Variants in DERA observed in about 807,000 individuals in gnomAD.
DERA encodes 2-deoxy-D-ribose 5-phosphate aldolase.
A neutral mutation model predicts 41.1 loss-of-function variants in DERA; 15 were observed. That is an observed-to-expected ratio of 0.37 (90% CI 0.24 to 0.56). DERA has a LOEUF of 0.56. DERA is among the 20% of genes least tolerant of loss of function. DERA has a pLI of 0.81. For synonymous variants in DERA, 139 were observed against 137.4 expected (o/e 1.01, Z -0.08); for missense variants, 396 against 403.4 (o/e 0.98, Z 0.16).
intron 7 of DERA, among the ~76,000 whole-genome samples, chr12:16,034,964 C>CAGAGTCAT (rs11281015): frequency 0.94 from 143,515 of 152,272 alleles, 68,033 homozygotes; most frequent in African/African-American, 0.98. Flanking sequence ...TACTACCTTA[C>CAGAGTCAT]AGCTTGGGCT....
At position 16,036,388 on chromosome 12, in the gene DERA, A is replaced by C; in HGVS notation, c.900+7A>C. On this transcript the variant is annotated splice_region_variant and intron_variant, in intron 8 of 8. Coordinates refer to ENST00000428559, the MANE Select transcript of DERA (RefSeq NM_015954.4). This position sits in a 1 kb window ranked among gnomAD's most constrained non-coding sequence, Gnocchi z 4.9. Reference sequence around the variant, plus strand: ...CTCGGACATTGAGAGGCAGGTGAGTAATCATCTCTGTCTTTGGAATAAATT... The same window carrying C: ...CTCGGACATTGAGAGGCAGGTGAGTCATCATCTCTGTCTTTGGAATAAATT... 6.3e-7 allele frequency: 1 copy of C among 1,586,114 alleles called. No homozygotes were observed. The highest frequency in any genetic ancestry group is 8.6e-7 in the Non-Finnish European group (1 of 1,169,564).
chr12:16,028,586 G>T lies in DERA; in HGVS notation c.638-3956G>T, dbSNP rs574731333. On this transcript the variant is annotated intron_variant, in intron 6 of 8. Coordinates refer to ENST00000428559, the MANE Select transcript of DERA (RefSeq NM_015954.4). ...TACAGTATGAAAAATGGGGGAAAAA[G>T]ATTAGCTTTACAGTGGAGAAACCGA... 3.4e-4 allele frequency among the ~76,000 whole-genome samples: 52 copies of T among 152,128 alleles called. No homozygotes were observed. The Middle Eastern group carries it at 0.02, about 60-fold the overall frequency.
intron 6 of DERA, 97 bp from the exon 7 acceptor site, chr12:16,032,445 T>C (rs1949098764): frequency 4.3e-6 from 3 of 698,940 alleles, no homozygotes; most frequent in African/African-American, 1.9e-5. Context: ...TTGGGTTTCT[T>C]CGGGAAAAAA....
In DERA at chr12:15,998,652, C is replaced by G. The variant is rs1948855411; in HGVS notation, c.637+16216C>G. ...AGTCTTTCAACTCACATTTGTAGTT[C>G]AGAGATGGCTTAAAGAGCTTCAGAT... On this transcript the variant is annotated intron_variant, in intron 6 of 8. Coordinates refer to ENST00000428559, the MANE Select transcript of DERA (RefSeq NM_015954.4). This position sits in a 1 kb window ranked among gnomAD's most constrained non-coding sequence, Gnocchi z 4.8. Among the ~76,000 whole-genome samples, 1 of 152,140 alleles carries G rather than the reference C, an allele frequency of 6.6e-6. No individual in the cohort carries two copies.
rs1451209561 is a variant in DERA, at chr12:15,936,203, A to G, written c.32-20733A>G. ...TGGAAGGGGCATGAATACTAGGAGG[A>G]GAGAATCATTGTGGGTCATTTTTGA... On this transcript the variant is annotated intron_variant, in intron 1 of 8. Coordinates refer to ENST00000428559, the MANE Select transcript of DERA (RefSeq NM_015954.4). The surrounding 1 kb of genome is among the most constrained non-coding windows in gnomAD (Gnocchi z 4.6). 2.6e-5 allele frequency among the ~76,000 whole-genome samples: 4 copies of G among 152,214 alleles called. No individual in the cohort carries two copies. The highest frequency in any genetic ancestry group is 5.9e-5 in the Non-Finnish European group (4 of 68,034).
At position 15,941,081 on chromosome 12, in the gene DERA, A is replaced by C. The variant is rs566356515; in HGVS notation, c.32-15855A>C. ...TGTAGAATTAAAAAGCCTGACCCAA[A>C]GAAAATAGTTTAGATTTACAGAATT... On this transcript the variant is annotated intron_variant, in intron 1 of 8. Transcript: ENST00000428559. The surrounding 1 kb of genome is among the most constrained non-coding windows in gnomAD (Gnocchi z 4.5). Among the ~76,000 whole-genome samples the C allele has an allele frequency of 6.6e-6, 1 of 152,330 alleles. No homozygotes were observed. The highest frequency in any genetic ancestry group is 6.5e-5 in the Admixed American group (1 of 15,304).
At chr12:15,949,477 TG>T (rs1227065055) in intron 1 of DERA, among the ~76,000 whole-genome samples, 2 of 135,910 alleles carry the variant, frequency 1.5e-5, no homozygotes, top group Non-Finnish European at 3.3e-5. Flanking sequence ...CAAGGCTCCG[TG>T]GGCGTGGGAC....
At chr12:15,933,233 A>G (rs951664888) in intron 1 of DERA, among the ~76,000 whole-genome samples, 5 of 152,092 alleles carry the variant, frequency 3.3e-5, no homozygotes, top group Non-Finnish European at 7.4e-5. Context: ...TAATTTTTTG[A>G]GGAACCTCTA....
chr12:16,026,234 A>T lies in DERA; in HGVS notation c.638-6308A>T, dbSNP rs979337834. Reference sequence around the variant, plus strand: ...AAACAACAGAGAAATTTTTTTTTTTAAATATCCTAAAAGCTACTTTTTTTT... The same window carrying T: ...AAACAACAGAGAAATTTTTTTTTTTTAATATCCTAAAAGCTACTTTTTTTT... On this transcript the variant is annotated intron_variant, in intron 6 of 8. Coordinates refer to ENST00000428559, the MANE Select transcript of DERA (RefSeq NM_015954.4). The surrounding 1 kb of genome is among the most constrained non-coding windows in gnomAD (Gnocchi z 4.4). 2.6e-5 allele frequency among the ~76,000 whole-genome samples: 4 copies of T among 151,746 alleles called. No homozygotes were observed. The highest frequency in any genetic ancestry group is 4.4e-5 in the Non-Finnish European group (3 of 67,846).
rs1259771920 is a variant in DERA at position 15,941,606 on chromosome 12, A to C, written c.32-15330A>C. ...TGTCCTCACAGCTTAGCCCCCACTT[A>C]TAAGTGAGATCATAGGATGTTTGGT... On this transcript the variant is annotated intron_variant, in intron 1 of 8. Coordinates refer to ENST00000428559, the MANE Select transcript of DERA (RefSeq NM_015954.4). This position sits in a 1 kb window ranked among gnomAD's most constrained non-coding sequence, Gnocchi z 4.5. Among the ~76,000 whole-genome samples the C allele has an allele frequency of 6.6e-6, 1 of 152,156 alleles. No individual in the cohort carries two copies.
In DERA at chr12:15,999,765, T is replaced by C. The variant is rs2136172317; in HGVS notation, c.637+17329T>C. On this transcript the variant is annotated intron_variant, in intron 6 of 8. Coordinates refer to ENST00000428559, the MANE Select transcript of DERA (RefSeq NM_015954.4). This position sits in a 1 kb window ranked among gnomAD's most constrained non-coding sequence, Gnocchi z 5.3. Reference sequence around the variant, plus strand: ...AGGAATGAATGATTGACTGAGTAACTCATTCATTCATTCATTTATTCAGTC... The same window carrying C: ...AGGAATGAATGATTGACTGAGTAACCCATTCATTCATTCATTTATTCAGTC... 6.6e-6 allele frequency among the ~76,000 whole-genome samples: 1 copy of C among 152,244 alleles called. No individual in the cohort carries two copies. Among genetic ancestry groups the C allele is most frequent in the Non-Finnish European group, 1.5e-5 (1 of 68,000 alleles).
rs1340377048 is a variant in DERA at position 15,918,917 on chromosome 12, T to C, written c.31+7503T>C. ...TTCATTAACTATAGGAACTCAATTTTCAGGTATCTAGTGTAATCTTCTCAT... is the reference window on the plus strand; with the variant it reads ...TTCATTAACTATAGGAACTCAATTTCCAGGTATCTAGTGTAATCTTCTCAT... On this transcript the variant is annotated intron_variant, in intron 1 of 8. Coordinates refer to ENST00000428559, the MANE Select transcript of DERA (RefSeq NM_015954.4). The surrounding 1 kb of genome is among the most constrained non-coding windows in gnomAD (Gnocchi z 4.3). Among the ~76,000 whole-genome samples, 2 of 152,100 alleles carry C rather than the reference T, an allele frequency of 1.3e-5. No homozygotes were observed. Among genetic ancestry groups the C allele is most frequent in the Non-Finnish European group, 2.9e-5 (2 of 68,032 alleles).
chr12:16,002,785 C>T (rs2136174166), intron 6 of DERA, among the ~76,000 whole-genome samples: 1 of 152,284 alleles, frequency 6.6e-6, no homozygotes, highest in South Asian at 2.1e-4. Flanking sequence ...CTCTTCTCTT[C>T]CCCTAAAAAT....
At chr12:15,977,539 G>A (rs1474793952) in intron 5 of DERA, among the ~76,000 whole-genome samples, 1 of 152,068 alleles carries the variant, frequency 6.6e-6, no homozygotes, top group East Asian at 1.9e-4. Flanking sequence ...TGCAACCTTC[G>A]CCTCCCAGGT....
chr12:15,963,484 T>A (rs537414387), intron 5 of DERA, among the ~76,000 whole-genome samples: 4 of 152,340 alleles, frequency 2.6e-5, no homozygotes, highest in African/African-American at 7.2e-5. Context: ...CACTATCACG[T>A]CAGCATACAC....
chr12:15,919,947 C>G (rs998268113), intron 1 of DERA, among the ~76,000 whole-genome samples: 1 of 151,428 alleles, frequency 6.6e-6, no homozygotes, highest in African/African-American at 2.4e-5. Context: ...GCCTAATGGA[C>G]TGCCCCACAG....
chr12:16,033,993 T>A (rs1949110972), intron 7 of DERA, among the ~76,000 whole-genome samples: 1 of 152,210 alleles, frequency 6.6e-6, no homozygotes, highest in Non-Finnish European at 1.5e-5. Context: ...GTAAAAATGA[T>A]AAATCTATCT....
In DERA at chr12:16,036,863, T is replaced by A. The variant is rs1381227173; in HGVS notation, c.*117T>A. On this transcript the variant is annotated 3_prime_UTR_variant, in exon 9 of 9. Transcript: ENST00000428559. The surrounding 1 kb of genome is among the most constrained non-coding windows in gnomAD (Gnocchi z 4.9). ...GCAGTAGGTAACTGGCATTCCTCTC[T>A]TTAAAATTTCTACCGAACTTAATGG... The A allele has an allele frequency of 9.4e-6, 7 of 744,116 alleles. No homozygotes were observed. The highest frequency in any genetic ancestry group is 3.7e-5 in the African/African-American group (2 of 54,616). The allele number at this position is 744,116 out of a possible 1,614,324, so 46.1% of individuals were successfully genotyped here. A position where few individuals can be genotyped will look rare whatever the true frequency, so the allele number is the denominator to read the frequency against.
rs1465445802 is a variant in DERA, at chr12:16,011,633, TA to T, written c.638-20905del. On this transcript the variant is annotated intron_variant, in intron 6 of 8. Transcript: ENST00000428559. This position sits in a 1 kb window ranked among gnomAD's most constrained non-coding sequence, Gnocchi z 4.7. Reference sequence around the variant, plus strand: ...TTGTCATTTTAACATGAGATGACTTTAAAACTAATCAATGAAAGGCATTTGC... The same window carrying T: ...TTGTCATTTTAACATGAGATGACTTTAAACTAATCAATGAAAGGCATTTGC... Among the ~76,000 whole-genome samples, 2 of 152,188 alleles carry T rather than the reference TA, an allele frequency of 1.3e-5. No individual in the cohort carries two copies. The highest frequency in any genetic ancestry group is 2.9e-5 in the Non-Finnish European group (2 of 68,016).
Sources: gnomAD v4.1 joint callset for allele counts (sites outside exome capture counted in the v4.1 genomes callset) on GRCh38, gnomAD v4.1.1 for gene constraint, Gnocchi (gnomAD v3.1) non-coding constraint, MANE v1.5 for transcripts, NCBI Gene and HGNC (gene_info 2026-07-23, HGNC 2026-07-21) for gene names.